Variants in ANKRD42 observed in about 807,000 individuals in gnomAD.
The protein encoded by ANKRD42 is ankyrin repeat domain 42.
In ANKRD42, 43 loss-of-function variants were observed where a neutral mutation model predicts 51.5. That is an observed-to-expected ratio of 0.83 (90% confidence interval 0.65 to 1.08). The LOEUF is 1.08. Among genes scored for constraint, ANKRD42 ranks in the 50% least tolerant of loss-of-function variants. The pLI is 0.00. For missense variants in ANKRD42, 608 were observed against 629.3 expected (o/e 0.97, Z 0.36); for synonymous variants, 203 against 213.0 (o/e 0.95, Z 0.41).
intron 3 of ANKRD42, among the ~76,000 whole-genome samples, chr11:83,208,994 A>G (rs1862196986): frequency 6.6e-6 from 1 of 152,230 alleles, no homozygotes; most frequent in South Asian, 2.1e-4. Flanking sequence ...GGTATAACCC[A>G]TATATAGAAA....
At chr11:83,244,626 T>A (rs1380636904) in intron 9 of ANKRD42, among the ~76,000 whole-genome samples, 3 of 152,164 alleles carry the variant, frequency 2.0e-5, no homozygotes, top group African/African-American at 7.2e-5. Flanking sequence ...TCTCAAGCTG[T>A]GACAAGCAAA....
chr11:83,262,850 A>G (rs1038017939), downstream of ANKRD42, among the ~76,000 whole-genome samples: 1 of 152,210 alleles, frequency 6.6e-6, no homozygotes, highest in African/African-American at 2.4e-5. Flanking sequence ...TAATAACACT[A>G]AGAGTTTCTT....
At chr11:83,210,869 C>T (rs996252511) in intron 4 of ANKRD42, among the ~76,000 whole-genome samples, 7 of 152,088 alleles carry the variant, frequency 4.6e-5, no homozygotes, top group Admixed American at 1.3e-4. Context: ...TAATAAATAA[C>T]GTAGAAGAAG....
chr11:83,211,805 C>G (rs1322565365), intron 5 of ANKRD42, among the ~76,000 whole-genome samples: 2 of 152,082 alleles, frequency 1.3e-5, no homozygotes, highest in African/African-American at 2.4e-5. Flanking sequence ...GACCCCGTCT[C>G]TTAAAAAATA....
At chr11:83,220,253 A>G (rs544492668) in intron 5 of ANKRD42, among the ~76,000 whole-genome samples, 1 of 152,340 alleles carries the variant, frequency 6.6e-6, no homozygotes, top group African/African-American at 2.4e-5. Flanking sequence ...GGGGGTTGTT[A>G]GAGAGCCCTT....
intron 7 of ANKRD42, among the ~76,000 whole-genome samples, chr11:83,230,589 A>C (rs1863037679): frequency 1.3e-5 from 2 of 150,228 alleles, no homozygotes; most frequent in Non-Finnish European, 3.0e-5. Flanking sequence ...ACAAGATCTT[A>C]TTCTTTTTTT....
chr11:83,240,704 A>C, intron 8 of ANKRD42, 55 bp from the exon 9 acceptor site: 2 of 1,592,368 alleles, frequency 1.3e-6, no homozygotes, highest in South Asian at 1.1e-5. Flanking sequence ...TGCAAGCTGC[A>C]GTTTCAGTTT....
intron 8 of ANKRD42, among the ~76,000 whole-genome samples, chr11:83,238,914 C>T (rs895172884): frequency 1.3e-5 from 2 of 151,612 alleles, no homozygotes; most frequent in African/African-American, 4.9e-5. Context: ...GAGGCTGAGG[C>T]AGGAGAATTG....
intron 5 of ANKRD42, among the ~76,000 whole-genome samples, chr11:83,223,420 T>C (rs1160909589): frequency 6.6e-6 from 1 of 152,120 alleles, no homozygotes; most frequent in Non-Finnish European, 1.5e-5. Context: ...TGAGAAGTAA[T>C]CAGGTTCTGT....
At position 83,211,397 on chromosome 11, in the gene ANKRD42, A is replaced by T; in HGVS notation, c.553A>T (p.Ile185Leu). Residue 185 changes from isoleucine to leucine, a missense_variant, in exon 5 of 11, where the codon ATA becomes TTA. Physicochemically the swap from Ile to Leu is conservative, Grantham distance 5 (BLOSUM62 2). Coordinates refer to ENST00000533342, the MANE Select transcript of ANKRD42 (RefSeq NM_001300975.2). Reference sequence around the variant, plus strand: ...ACTTCTTGTTAAATGGGGTTGTAGCATAGAAGATGTGGACTACAATGGAAA... The same window carrying T: ...ACTTCTTGTTAAATGGGGTTGTAGCTTAGAAGATGTGGACTACAATGGAAA... ...LQLLVKWGCS[I>L]EDVDYNGNLP... The T allele has an allele frequency of 6.2e-7, 1 of 1,614,218 alleles. No homozygotes were observed. Among genetic ancestry groups the T allele is most frequent in the Non-Finnish European group, 8.5e-7 (1 of 1,180,040 alleles).
chr11:83,228,001 A>G (rs1489808053), intron 7 of ANKRD42, 129 bp downstream of exon 7: 1 of 1,040,998 alleles, frequency 9.6e-7, no homozygotes, highest in Non-Finnish European at 1.3e-6. Flanking sequence ...ATATCAGTCT[A>G]TCTTGTATGG....
chr11:83,193,851 T>C lies in ANKRD42; in HGVS notation c.-820T>C, dbSNP rs11549134. On this transcript the variant is annotated 5_prime_UTR_variant, in exon 1 of 11. Transcript: ENST00000533342. ...CGCAGGGAGTAGCAGACGAAGACGG[T>C]GGCCGCCGCACTAGCCACCACGTGT... 4,608 of 454,786 alleles carry C rather than the reference T, an allele frequency of 0.01. 154 individuals are homozygous for C. The highest frequency in any genetic ancestry group is 0.075 in the African/African-American group (3,768 of 49,964). 28.2% of individuals were successfully genotyped at this position (454,786 alleles called of 1,614,324 possible). A position where few individuals can be genotyped will look rare whatever the true frequency, so the allele number is the denominator to read the frequency against.
At chr11:83,230,690 G>T (rs986558977) in intron 7 of ANKRD42, among the ~76,000 whole-genome samples, 3 of 152,028 alleles carry the variant, frequency 2.0e-5, no homozygotes, top group African/African-American at 7.3e-5. Flanking sequence ...GGGTTCAAGC[G>T]ATTCTCCTGC....
At chr11:83,241,121 C>T (rs1275088257) in intron 9 of ANKRD42, among the ~76,000 whole-genome samples, 187 bp downstream of exon 9, 1 of 152,180 alleles carries the variant, frequency 6.6e-6, no homozygotes, top group African/African-American at 2.4e-5. Flanking sequence ...AAGTATAAGA[C>T]ATAATCTCTG....
chr11:83,209,640 G>C (rs777942150), intron 3 of ANKRD42: 58 of 818,024 alleles, frequency 7.1e-5, no homozygotes, highest in Non-Finnish European at 1.2e-4. Context: ...AAGAAATGAA[G>C]CTGGCAAGCT....
Position 83,193,824 on chromosome 11 carries a change from T to C in ANKRD42, c.-847T>C. ...CGGAAGGCGGCCGCCGCTACGGCGA[T>C]TCGCAGGGAGTAGCAGACGAAGACG... On this transcript the variant is annotated 5_prime_UTR_variant, in exon 1 of 11. Transcript: ENST00000533342. 2.2e-6 allele frequency: 1 copy of C among 454,942 alleles called. No individual in the cohort carries two copies. Among genetic ancestry groups the C allele is most frequent in the Non-Finnish European group, 4.4e-6 (1 of 226,026 alleles). 28.2% of individuals were successfully genotyped at this position (454,942 alleles called of 1,614,324 possible). A position where few individuals can be genotyped will look rare whatever the true frequency, so the allele number is the denominator to read the frequency against.
chr11:83,251,335 C>T (rs1284771955), downstream of ANKRD42, among the ~76,000 whole-genome samples: 1 of 152,158 alleles, frequency 6.6e-6, no homozygotes, highest in Non-Finnish European at 1.5e-5. Flanking sequence ...TGATTGGGCA[C>T]TTACTTTACC....
chr11:83,245,836 A>G (rs1022683658), intron 10 of ANKRD42, among the ~76,000 whole-genome samples: 10 of 152,204 alleles, frequency 6.6e-5, no homozygotes, highest in African/African-American at 1.9e-4. Flanking sequence ...ACCATTTTTT[A>G]AGTATACGGT....
In ANKRD42 at chr11:83,236,020, A is replaced by G. The variant is rs533812026; in HGVS notation, c.914-384A>G. 6.6e-5 allele frequency among the ~76,000 whole-genome samples: 10 copies of G among 152,334 alleles called. No homozygotes were observed. In the South Asian group the frequency reaches 2.1e-3, roughly 32 times the overall value. Reference sequence around the variant, plus strand: ...TAGAATGTGCTCACATTCTTGTGAAATACAAGATTGGTTAGGAGCTATTTA... The same window carrying G: ...TAGAATGTGCTCACATTCTTGTGAAGTACAAGATTGGTTAGGAGCTATTTA... On this transcript the variant is annotated intron_variant, in intron 7 of 10. Transcript: ENST00000533342.
Sources: gnomAD v4.1 joint callset for allele counts (sites outside exome capture counted in the v4.1 genomes callset) on GRCh38, gnomAD v4.1.1 for gene constraint, MANE v1.5 for transcripts, NCBI Gene and HGNC (gene_info 2026-07-23, HGNC 2026-07-21) for gene names.